The following KCNMA1 variants were observed in gnomAD, a reference collection of about 807,000 sequenced individuals.
KCNMA1 encodes Calcium-activated potassium channel subunit alpha-1.
A neutral mutation model predicts 140.0 loss-of-function variants in KCNMA1; 29 were observed. The ratio of observed to expected loss-of-function variants is 0.21; its 90% confidence interval spans 0.15 to 0.28. The LOEUF (loss-of-function observed/expected upper bound fraction) is 0.28, where lower values mean the gene tolerates loss of function less well. Ranked by LOEUF, KCNMA1 falls within the 10% of genes least tolerant of loss-of-function variation. The pLI, the probability that KCNMA1 is intolerant of heterozygous loss-of-function variation, is 1.00. For synonymous variants in KCNMA1, 612 were observed against 611.9 expected, an observed-to-expected ratio of 1.00 and a Z score of 0.00; for missense variants, 880 against 1,602.2, an observed-to-expected ratio of 0.55 and a Z score of 7.70.
intron 1 of KCNMA1, among the ~76,000 whole-genome samples, chr10:77,461,333 C>A (rs1439587526): frequency 6.6e-6 from 1 of 151,994 alleles, no homozygotes; most frequent in Non-Finnish European, 1.5e-5. Context: ...CTTGCCCCAC[C>A]CTGCTATTTG....
intron 23 of KCNMA1, among the ~76,000 whole-genome samples, chr10:76,928,945 T>TGAAGCCCCAAGAGGG (rs2058543240): frequency 6.6e-6 from 1 of 152,196 alleles, no homozygotes; most frequent in Non-Finnish European, 1.5e-5. Context: ...TTCAAAGTAC[T>TGAAGCCCCAAGAGGG]GCTGTATTTA....
intron 2 of KCNMA1, among the ~76,000 whole-genome samples, chr10:77,392,114 G>A (rs555922842): frequency 3.5e-5 from 5 of 142,274 alleles, no homozygotes; most frequent in East Asian, 4.5e-4. Flanking sequence ...AGGGAAGGAC[G>A]GAGGAATGGA....
intron 3 of KCNMA1, among the ~76,000 whole-genome samples, chr10:77,242,729 C>T (rs911341871): frequency 6.6e-6 from 1 of 152,032 alleles, no homozygotes. Flanking sequence ...AGCAAAATGC[C>T]TTATACACAG....
At chr10:77,372,197 C>T (rs938256553) in intron 2 of KCNMA1, among the ~76,000 whole-genome samples, 1 of 152,188 alleles carries the variant, frequency 6.6e-6, no homozygotes, top group Non-Finnish European at 1.5e-5. Flanking sequence ...CACTCCACTT[C>T]CCTTGTTCCC....
At chr10:76,918,520 C>T (rs758706048) in intron 23 of KCNMA1, among the ~76,000 whole-genome samples, 18 of 152,088 alleles carry the variant, frequency 1.2e-4, no homozygotes, top group Non-Finnish European at 1.9e-4. Context: ...CAGGAAAATG[C>T]AAATCAAAAC....
chr10:77,109,929 T>C (rs1224023354), intron 8 of KCNMA1, among the ~76,000 whole-genome samples: 3 of 152,136 alleles, frequency 2.0e-5, no homozygotes, highest in Non-Finnish European at 4.4e-5. Context: ...GACAATTAGG[T>C]TTGCTCCTGG....
chr10:77,595,535 A>G (rs537294461), intron 1 of KCNMA1, among the ~76,000 whole-genome samples: 77 of 152,160 alleles, frequency 5.1e-4, no homozygotes, highest in African/African-American at 1.3e-3. Context: ...TACAGCACAC[A>G]CCAAAATGCA....
At chr10:77,626,192 G>A (rs1306849322) in intron 1 of KCNMA1, among the ~76,000 whole-genome samples, 1 of 151,932 alleles carries the variant, frequency 6.6e-6, no homozygotes, top group African/African-American at 2.4e-5. Flanking sequence ...AAACAGGGTT[G>A]TGAAAGAACT....
chr10:77,227,242 T>C (rs1318726014), intron 3 of KCNMA1, among the ~76,000 whole-genome samples: 1 of 152,224 alleles, frequency 6.6e-6, no homozygotes. Flanking sequence ...TAGTTACAGA[T>C]AGGAAAAGCA....
intron 15 of KCNMA1, among the ~76,000 whole-genome samples, chr10:77,035,891 T>A (rs1244372775): frequency 6.6e-6 from 1 of 152,166 alleles, no homozygotes; most frequent in African/African-American, 2.4e-5. Context: ...CTGTGATGGT[T>A]AATATTGAGT....
intron 3 of KCNMA1, among the ~76,000 whole-genome samples, chr10:77,202,203 T>C (rs2042705373): frequency 6.6e-6 from 1 of 152,122 alleles, no homozygotes; most frequent in Admixed American, 6.5e-5. Context: ...TTCCAAAAGA[T>C]ATAAAAGAGG....
intron 19 of KCNMA1, chr10:76,979,715 C>G (rs141635179): frequency 6.6e-6 from 1 of 152,114 alleles, no homozygotes; most frequent in African/African-American, 2.4e-5. Flanking sequence ...TTGGCTCATC[C>G]GGAAATACCA....
intron 1 of KCNMA1, among the ~76,000 whole-genome samples, chr10:77,527,577 G>A (rs1002773044): frequency 1.3e-5 from 2 of 152,184 alleles, no homozygotes; most frequent in Non-Finnish European, 2.9e-5. Flanking sequence ...CAGATCTGCT[G>A]AAGGAGGCCT....
chr10:77,533,016 G>T (rs1035227152), intron 1 of KCNMA1, among the ~76,000 whole-genome samples: 2 of 152,124 alleles, frequency 1.3e-5, no homozygotes, highest in Non-Finnish European at 2.9e-5. Flanking sequence ...TTTTATTGAA[G>T]ACTTTCTCCC....
At chr10:77,452,665 A>G (rs1446784252) in intron 1 of KCNMA1, among the ~76,000 whole-genome samples, 2 of 152,152 alleles carry the variant, frequency 1.3e-5, no homozygotes, top group Admixed American at 6.5e-5. Flanking sequence ...TCTGCCAACC[A>G]CAGCTGTAAG....
chr10:77,049,005 C>A (rs538503748), intron 14 of KCNMA1, among the ~76,000 whole-genome samples: 1 of 152,138 alleles, frequency 6.6e-6, no homozygotes, highest in Non-Finnish European at 1.5e-5. Flanking sequence ...ACCTGGAGAT[C>A]CACCCGCCTC....
At chr10:76,985,579 A>G (rs1256512699) in intron 19 of KCNMA1, among the ~76,000 whole-genome samples, 3 of 152,262 alleles carry the variant, frequency 2.0e-5, no homozygotes, top group African/African-American at 7.2e-5. Flanking sequence ...AAATAGCAAT[A>G]GAGAAGTTGT....
chr10:77,190,705 T>C (rs1214588738), intron 3 of KCNMA1, among the ~76,000 whole-genome samples: 1 of 152,122 alleles, frequency 6.6e-6, no homozygotes, highest in Non-Finnish European at 1.5e-5. Flanking sequence ...CTAACCCTGC[T>C]CTGTAGAGAC....
intron 2 of KCNMA1, among the ~76,000 whole-genome samples, chr10:77,295,722 A>G (rs556706950): frequency 5.1e-4 from 68 of 133,332 alleles, no homozygotes; most frequent in African/African-American, 1.8e-3. Context: ...CGGAGCTTGC[A>G]GTGAGCCGAG....
Sources: allele counts gnomAD v4.1 joint callset (sites outside exome capture counted in the v4.1 genomes callset), GRCh38; gene constraint gnomAD v4.1.1; transcripts MANE v1.5; gene names NCBI Gene and HGNC (gene_info 2026-07-23, HGNC 2026-07-21).